Variants in REEP3 observed in about 807,000 individuals in gnomAD.
The protein encoded by REEP3 is receptor expression-enhancing protein 3.
REEP3 carries 20 observed loss-of-function variants against 41.3 expected under a neutral mutation model. The observed-to-expected ratio is 0.48, with a 90% CI of 0.34 to 0.70. The LOEUF is 0.70. Ranked by LOEUF, REEP3 falls within the 30% of genes least tolerant of loss-of-function variation. The pLI is 0.01. For synonymous variants in REEP3, 104 were observed against 101.8 expected, an observed-to-expected ratio of 1.02 and a Z score of -0.13; for missense variants, 271 against 308.8, an observed-to-expected ratio of 0.88 and a Z score of 0.92.
At chr10:63,568,967 A>C (rs1380675305) in intron 2 of REEP3, among the ~76,000 whole-genome samples, 1 of 152,078 alleles carries the variant, frequency 6.6e-6, no homozygotes, top group Admixed American at 6.5e-5. Context: ...CCAACTCCCA[A>C]ATTTTTTATT....
intron 5 of REEP3, among the ~76,000 whole-genome samples, chr10:63,601,670 G>T (rs982776391): frequency 3.9e-5 from 6 of 152,190 alleles, no homozygotes; most frequent in Non-Finnish European, 8.8e-5. Flanking sequence ...TGTAATCCCA[G>T]CACTTTGGGA....
chr10:63,593,337 G>C (rs1271248448), intron 2 of REEP3, among the ~76,000 whole-genome samples: 2 of 152,158 alleles, frequency 1.3e-5, no homozygotes, highest in African/African-American at 2.4e-5. Flanking sequence ...CCTACATTGG[G>C]CAGTTTCTCA....
At chr10:63,524,958 G>A (rs1955346763) in intron 1 of REEP3, among the ~76,000 whole-genome samples, 1 of 151,264 alleles carries the variant, frequency 6.6e-6, no homozygotes, top group Admixed American at 6.6e-5. Flanking sequence ...GTTGCAGTGA[G>A]CTGAGATCGT....
At chr10:63,575,756 G>C (rs868047312) in intron 2 of REEP3, among the ~76,000 whole-genome samples, 4 of 151,808 alleles carry the variant, frequency 2.6e-5, no homozygotes, top group Admixed American at 6.6e-5. Context: ...TTTTTGAGGC[G>C]GTGTTTTGCT....
chr10:63,524,328 T>C (rs1299688029), intron 1 of REEP3, among the ~76,000 whole-genome samples: 1 of 152,094 alleles, frequency 6.6e-6, no homozygotes, highest in African/African-American at 2.4e-5. Flanking sequence ...AACATGAACC[T>C]CTGGTAGCAT....
chr10:63,527,482 G>C (rs573883694), intron 1 of REEP3, among the ~76,000 whole-genome samples: 2 of 152,086 alleles, frequency 1.3e-5, no homozygotes, highest in African/African-American at 4.8e-5. Flanking sequence ...GACCAATCCA[G>C]GCAACCTGGT....
intron 1 of REEP3, among the ~76,000 whole-genome samples, chr10:63,556,581 TTTGTTTTGTTTTGTTTTG>T (rs1248410474): frequency 4.5e-5 from 2 of 44,634 alleles, no homozygotes; most frequent in African/African-American, 2.0e-4. Context: ...TTTGTTTTGT[TTTGTTTTGTTTTGTTTTG>T]TTTTCTGTTT....
intron 1 of REEP3, among the ~76,000 whole-genome samples, chr10:63,564,270 G>A (rs1042294507): frequency 4.6e-5 from 7 of 152,216 alleles, no homozygotes; most frequent in South Asian, 2.1e-4. Context: ...CAAAGTTATC[G>A]TATACTCATC....
intron 7 of REEP3, 122 bp downstream of exon 7, chr10:63,619,922 T>A (rs1956340764): frequency 4.1e-6 from 3 of 730,468 alleles, no homozygotes; most frequent in Admixed American, 3.6e-5. Context: ...AGTTTGATTT[T>A]TTTTTTTTTT....
intron 4 of REEP3, among the ~76,000 whole-genome samples, chr10:63,598,819 C>A (rs1262407207): frequency 6.6e-6 from 1 of 150,388 alleles, no homozygotes; most frequent in Non-Finnish European, 1.5e-5. Flanking sequence ...GGGCTGGGTG[C>A]AGTGGCTCAT....
rs1368798152 is a variant in REEP3, at chr10:63,622,620, T to C, written c.*1751T>C. ...GTTACACTGTCCTTGTCTTTCCTAC[T>C]CAAAGACAGTATCATCTGAAGTTGC... On this transcript the variant is annotated 3_prime_UTR_variant, in exon 8 of 8. Transcript: ENST00000373758. 1 of 151,726 alleles carries C rather than the reference T, an allele frequency of 6.6e-6. No individual in the cohort carries two copies. The highest frequency in any genetic ancestry group is 1.9e-4 in the East Asian group (1 of 5,162). The allele number at this position is 151,726 out of a possible 1,614,324, so 9.4% of individuals were successfully genotyped here. A position where few individuals can be genotyped will look rare whatever the true frequency, so the allele number is the denominator to read the frequency against.
chr10:63,554,628 C>G (rs1205855564), intron 1 of REEP3, among the ~76,000 whole-genome samples: 1 of 152,180 alleles, frequency 6.6e-6, no homozygotes, highest in East Asian at 1.9e-4. Context: ...CTAAGCCTTA[C>G]TTTTATCATC....
At chr10:63,590,558 A>G (rs1589879142) in intron 2 of REEP3, among the ~76,000 whole-genome samples, 1 of 152,114 alleles carries the variant, frequency 6.6e-6, no homozygotes, top group Non-Finnish European at 1.5e-5. Context: ...GTTATCGACT[A>G]GGCTACATAG....
At chr10:63,528,283 TC>T (rs531942161) in intron 1 of REEP3, among the ~76,000 whole-genome samples, 1 of 152,122 alleles carries the variant, frequency 6.6e-6, no homozygotes, top group Non-Finnish European at 1.5e-5. Flanking sequence ...CTGGCAGCTT[TC>T]CCCCACTCTG....
chr10:63,586,223 T>C (rs1470146197), intron 2 of REEP3, among the ~76,000 whole-genome samples: 1 of 152,198 alleles, frequency 6.6e-6, no homozygotes, highest in Non-Finnish European at 1.5e-5. Context: ...CACATGACCG[T>C]CTGGATTTCT....
At chr10:63,602,671 G>C (rs1026573528) in intron 5 of REEP3, among the ~76,000 whole-genome samples, 44 of 152,166 alleles carry the variant, frequency 2.9e-4, no homozygotes, top group Non-Finnish European at 1.0e-4. Flanking sequence ...TGTACATATT[G>C]TGACTATTTT....
At chr10:63,586,712 G>A (rs1459625003) in intron 2 of REEP3, among the ~76,000 whole-genome samples, 2 of 152,024 alleles carry the variant, frequency 1.3e-5, no homozygotes, top group Admixed American at 1.3e-4. Flanking sequence ...TTATGGTAGG[G>A]GTAGAGATGG....
At chr10:63,537,714 G>C (rs1955488070) in intron 1 of REEP3, among the ~76,000 whole-genome samples, 1 of 151,942 alleles carries the variant, frequency 6.6e-6, no homozygotes, top group Non-Finnish European at 1.5e-5. Flanking sequence ...CTGGTGTAGA[G>C]GCCAGTTTCA....
At chr10:63,603,351 C>G (rs1170505967) in intron 5 of REEP3, among the ~76,000 whole-genome samples, 1 of 150,840 alleles carries the variant, frequency 6.6e-6, no homozygotes, top group African/African-American at 2.4e-5. Flanking sequence ...ACCCATTACC[C>G]TTCATTATTA....
Sources: allele counts gnomAD v4.1 joint callset (sites outside exome capture counted in the v4.1 genomes callset), GRCh38; gene constraint gnomAD v4.1.1; transcripts MANE v1.5; gene names NCBI Gene and HGNC (gene_info 2026-07-23, HGNC 2026-07-21).